The following STXBP4 variants were observed in gnomAD, a reference collection of about 807,000 sequenced individuals.
STXBP4 encodes the protein syntaxin binding protein 4.
In STXBP4, 55 loss-of-function variants were observed where a neutral mutation model predicts 76.1. The ratio of observed to expected loss-of-function variants is 0.72; its 90% CI spans 0.58 to 0.91. STXBP4 has a LOEUF of 0.91. Among genes scored for constraint, STXBP4 ranks in the 40% least tolerant of loss-of-function variants. The pLI is 0.00. For missense variants in STXBP4, 618 were observed against 636.9 expected (o/e 0.97, Z 0.32); for synonymous variants, 201 against 220.2 (o/e 0.91, Z 0.77).
intron 12 of STXBP4, among the ~76,000 whole-genome samples, chr17:55,062,222 A>C (rs2079002602): frequency 6.6e-6 from 1 of 151,940 alleles, no homozygotes; most frequent in Non-Finnish European, 1.5e-5. Flanking sequence ...TATTTCTCCT[A>C]ATGCTATCCC....
the STXBP4 span, among the ~76,000 whole-genome samples, chr17:55,191,496 G>T: frequency 6.6e-6 from 1 of 152,136 alleles, no homozygotes; most frequent in East Asian, 1.9e-4. Context: ...ACCAAATAGT[G>T]GTCCCTCAAC....
rs1034199218 is a variant in STXBP4, at chr17:55,168,446, A to G, written c.*8535A>G. 2.0e-5 allele frequency: 3 copies of G among 152,252 alleles called. No homozygotes were observed. The highest frequency in any genetic ancestry group is 1.9e-4 in the East Asian group (1 of 5,188). 9.4% of individuals were successfully genotyped at this position (152,252 alleles called of 1,614,324 possible). A position where few individuals can be genotyped will look rare whatever the true frequency, so the allele number is the denominator to read the frequency against. ...CATTGATTGTATTTCTTCTGTCTCTATAAGTACCATATTCCCAATTAGTAT... is the reference window on the plus strand; with the variant it reads ...CATTGATTGTATTTCTTCTGTCTCTGTAAGTACCATATTCCCAATTAGTAT... On this transcript the variant is annotated 3_prime_UTR_variant, in exon 18 of 18. Transcript: ENST00000376352.
chr17:55,188,113 C>T, the STXBP4 span, among the ~76,000 whole-genome samples: 8 of 152,172 alleles, frequency 5.3e-5, no homozygotes, highest in African/African-American at 1.7e-4. Flanking sequence ...ACTGCCTCTC[C>T]ATTGAAGATA....
chr17:54,994,649 T>C (rs753463340), intron 4 of STXBP4, among the ~76,000 whole-genome samples: 1 of 152,182 alleles, frequency 6.6e-6, no homozygotes, highest in Non-Finnish European at 1.5e-5. Context: ...TTTGTTCTTA[T>C]GCACCATACC....
intron 12 of STXBP4, among the ~76,000 whole-genome samples, chr17:55,052,648 G>T (rs1043632873): frequency 6.6e-6 from 1 of 152,046 alleles, no homozygotes; most frequent in Non-Finnish European, 1.5e-5. Context: ...TTAATTGCAA[G>T]GGGGTAAAAT....
the STXBP4 span, among the ~76,000 whole-genome samples, chr17:55,184,873 A>ATTGT: frequency 2.0e-5 from 3 of 152,022 alleles, no homozygotes; most frequent in South Asian, 2.1e-4. Flanking sequence ...TGTATGAAAG[A>ATTGT]TTGTTTGTTT....
At chr17:55,101,046 G>T (rs972236396) in intron 16 of STXBP4, among the ~76,000 whole-genome samples, 4 of 152,158 alleles carry the variant, frequency 2.6e-5, no homozygotes, top group African/African-American at 9.7e-5. Context: ...GCTAAGCCAT[G>T]TCCAGACTCC....
the STXBP4 span, among the ~76,000 whole-genome samples, chr17:55,210,423 A>G: frequency 1.3e-5 from 2 of 152,212 alleles, no homozygotes; most frequent in Non-Finnish European, 2.9e-5. Flanking sequence ...GGCTTAAATT[A>G]GGCCTCAGAA....
chr17:55,091,353 C>T (rs1471666904), intron 16 of STXBP4, among the ~76,000 whole-genome samples: 2 of 152,066 alleles, frequency 1.3e-5, no homozygotes, highest in Non-Finnish European at 2.9e-5. Flanking sequence ...CCACCTGTTA[C>T]TATTTTTTTT....
In STXBP4 at chr17:55,007,405, A is replaced by G. The variant is rs1445584942; in HGVS notation, c.575-101A>G. Reference sequence around the variant, plus strand: ...ACTAAAAGCTGCTAACTGATTAGCTAGAATTATTTTTGAACAGCAGGAACT... The same window carrying G: ...ACTAAAAGCTGCTAACTGATTAGCTGGAATTATTTTTGAACAGCAGGAACT... On this transcript the variant is annotated intron_variant, in intron 7 of 17. Coordinates refer to ENST00000376352, the MANE Select transcript of STXBP4 (RefSeq NM_178509.6). The G allele has an allele frequency of 1.6e-5, 13 of 821,298 alleles. No individual in the cohort carries two copies. The South Asian group carries it at 1.6e-4, about 10-fold the overall frequency. The allele number at this position is 821,298 out of a possible 1,614,324, so 50.9% of individuals were successfully genotyped here.
intron 3 of STXBP4, among the ~76,000 whole-genome samples, chr17:54,988,696 C>A (rs778143048): frequency 2.0e-5 from 3 of 152,062 alleles, no homozygotes; most frequent in Non-Finnish European, 4.4e-5. Flanking sequence ...AGTCGCTTAA[C>A]CTGGGAGGCA....
intron 12 of STXBP4, among the ~76,000 whole-genome samples, chr17:55,072,145 C>T (rs1284348301): frequency 6.6e-6 from 1 of 152,080 alleles, no homozygotes; most frequent in Non-Finnish European, 1.5e-5. Flanking sequence ...ATTAATGTTG[C>T]AGTCAGGCAG....
At chr17:55,087,632 T>C (rs983636968) in intron 16 of STXBP4, among the ~76,000 whole-genome samples, 1 of 152,206 alleles carries the variant, frequency 6.6e-6, no homozygotes, top group African/African-American at 2.4e-5. Flanking sequence ...CATGCTGTTT[T>C]GGTTACTGCA....
intron 12 of STXBP4, among the ~76,000 whole-genome samples, chr17:55,070,371 C>T (rs2079106048): frequency 3.3e-5 from 5 of 152,190 alleles, no homozygotes; most frequent in Admixed American, 1.3e-4. Context: ...GTTGATCTAG[C>T]TGTGTCACTA....
chr17:55,189,826 G>A, the STXBP4 span, among the ~76,000 whole-genome samples: 3 of 152,204 alleles, frequency 2.0e-5, no homozygotes, highest in African/African-American at 4.8e-5. Flanking sequence ...AAGAGTGACT[G>A]TAAATTGGAT....
At chr17:55,190,619 G>T in the STXBP4 span, among the ~76,000 whole-genome samples, 3 of 152,072 alleles carry the variant, frequency 2.0e-5, no homozygotes. Flanking sequence ...CATAAATAAA[G>T]GGTTTTGAAA....
chr17:55,163,919 T>G lies in STXBP4; in HGVS notation c.*4008T>G, dbSNP rs1419237189. 6.6e-6 allele frequency: 1 copy of G among 152,650 alleles called. No homozygotes were observed. The highest frequency in any genetic ancestry group is 2.4e-5 in the African/African-American group (1 of 41,458). 9.5% of individuals were successfully genotyped at this position (152,650 alleles called of 1,614,324 possible). ...TCAAAATATAGAGTCAAGTGATACT[T>G]TCATAAAGTGTTTGCACAATTAGAA... On this transcript the variant is annotated 3_prime_UTR_variant, in exon 18 of 18. Transcript: ENST00000376352.
chr17:55,180,387 A>G, the STXBP4 span, among the ~76,000 whole-genome samples: 4 of 152,362 alleles, frequency 2.6e-5, no homozygotes, highest in Admixed American at 2.6e-4. Context: ...TTTCAAGTCC[A>G]CTGGTCATCA....
At chr17:55,013,480 T>G (rs2078148560) in intron 8 of STXBP4, among the ~76,000 whole-genome samples, 1 of 152,230 alleles carries the variant, frequency 6.6e-6, no homozygotes. Flanking sequence ...AGGAACTCTC[T>G]TAGTTGCTTT....
Sources: allele counts gnomAD v4.1 joint callset (sites outside exome capture counted in the v4.1 genomes callset), GRCh38; gene constraint gnomAD v4.1.1; transcripts MANE v1.5; gene names NCBI Gene and HGNC (gene_info 2026-07-23, HGNC 2026-07-21).